The following ST7 variants were observed in gnomAD, a reference collection of about 807,000 sequenced individuals.
The protein encoded by ST7 is suppression of tumorigenicity 7.
A neutral mutation model predicts 78.7 loss-of-function variants in ST7; 28 were observed. The ratio of observed to expected loss-of-function variants is 0.36; its 90% CI spans 0.26 to 0.49. ST7 has a LOEUF of 0.49. Among genes scored for constraint, ST7 ranks in the 20% least tolerant of loss-of-function variants. ST7 has a pLI of 0.99. For missense variants in ST7, 418 were observed against 696.0 expected (o/e 0.60, Z 4.49); for synonymous variants, 247 against 249.6 (o/e 0.99, Z 0.10).
At chr7:117,087,007 C>G (rs1800200565) in intron 1 of ST7, among the ~76,000 whole-genome samples, 1 of 152,182 alleles carries the variant, frequency 6.6e-6, no homozygotes, top group Non-Finnish European at 1.5e-5. Context: ...CACCCTCACC[C>G]AGGGGAAGAC....
chr7:117,039,208 A>C (rs950283092), intron 1 of ST7, among the ~76,000 whole-genome samples: 9 of 152,152 alleles, frequency 5.9e-5, no homozygotes, highest in African/African-American at 2.2e-4. Context: ...TTGGAGGCCA[A>C]AAGGCTTGCC....
intron 15 of ST7, among the ~76,000 whole-genome samples, chr7:117,224,919 T>G (rs1175315632): frequency 6.6e-6 from 1 of 152,224 alleles, no homozygotes; most frequent in Non-Finnish European, 1.5e-5. Flanking sequence ...TCCCTGGCTC[T>G]ACCTTGGAAT....
At chr7:117,145,514 T>A (rs1490858664) in intron 9 of ST7, 1 of 152,258 alleles carries the variant, frequency 6.6e-6, no homozygotes, top group Non-Finnish European at 1.5e-5. Context: ...TAGCAATCTC[T>A]GACATTCCCT....
intron 1 of ST7, among the ~76,000 whole-genome samples, chr7:117,032,890 G>T (rs758305896): frequency 6.6e-6 from 1 of 152,130 alleles, no homozygotes; most frequent in Non-Finnish European, 1.5e-5. Context: ...TTCTAAGTTA[G>T]TTCCAGGCAG....
intron 1 of ST7, among the ~76,000 whole-genome samples, chr7:117,063,406 T>A (rs1023096116): frequency 5.3e-5 from 8 of 152,230 alleles, no homozygotes; most frequent in African/African-American, 1.9e-4. Flanking sequence ...TTTGCATTTA[T>A]GTTTGTATAA....
At chr7:117,006,769 C>T (rs901571673) in intron 1 of ST7, among the ~76,000 whole-genome samples, 3 of 152,204 alleles carry the variant, frequency 2.0e-5, no homozygotes, top group Non-Finnish European at 4.4e-5. Flanking sequence ...GGCACATGCT[C>T]ACTTCATGTC....
Position 117,048,249 on chromosome 7 carries a change from CATTCGGT to C in ST7, c.152-51510_152-51504del, listed in dbSNP as rs527780573. Reference sequence around the variant, plus strand: ...AAAGGGGAGGCAGGAGAGGCAGGGACATTCGGTATAACTTTACAAAAATACATCATAA... The same window carrying C: ...AAAGGGGAGGCAGGAGAGGCAGGGACATAACTTTACAAAAATACATCATAA... On this transcript the variant is annotated intron_variant, in intron 1 of 15. Coordinates refer to ENST00000323984, the MANE Select transcript of ST7 (RefSeq NM_001369598.1). Among the ~76,000 whole-genome samples, 287 of 152,054 alleles carry C rather than the reference CATTCGGT, an allele frequency of 1.9e-3. 1 individual carries two copies. Among genetic ancestry groups the C allele is most frequent in the Middle Eastern group, 0.014 (4 of 294 alleles).
intron 15 of ST7, among the ~76,000 whole-genome samples, chr7:117,229,519 G>C (rs1793656365): frequency 6.6e-6 from 1 of 152,232 alleles, no homozygotes; most frequent in African/African-American, 2.4e-5. Context: ...TGGGCCACCT[G>C]TCAGGGGAGT....
In ST7 at chr7:117,034,529, C is replaced by A. The variant is rs145257843; in HGVS notation, c.152-65233C>A. 8.6e-4 allele frequency among the ~76,000 whole-genome samples: 131 copies of A among 152,210 alleles called. 1 individual carries two copies. Among genetic ancestry groups the A allele is most frequent in the Admixed American group, 1.4e-3 (22 of 15,276 alleles). On this transcript the variant is annotated intron_variant, in intron 1 of 15. Transcript: ENST00000323984. The stretch of plus-strand genomic sequence containing the variant: ...CTTATTAAACACAATAAGGTCAATA[C>A]CTTTTCTTTATTCATGAAAATGTCT...
intron 9 of ST7, among the ~76,000 whole-genome samples, chr7:117,170,451 G>A (rs1384822439): frequency 6.6e-6 from 1 of 152,142 alleles, no homozygotes; most frequent in Non-Finnish European, 1.5e-5. Context: ...GGGAGGCCGA[G>A]GCGGGCAGAT....
chr7:117,205,675 G>A (rs902196545), intron 12 of ST7, among the ~76,000 whole-genome samples: 5 of 152,182 alleles, frequency 3.3e-5, no homozygotes, highest in South Asian at 2.1e-4. Context: ...ATGAGTAGGC[G>A]CTGCTCACAC....
intron 1 of ST7, among the ~76,000 whole-genome samples, chr7:117,085,530 C>T (rs1421754206): frequency 6.6e-6 from 1 of 152,208 alleles, no homozygotes; most frequent in Non-Finnish European, 1.5e-5. Context: ...TGACTATTTG[C>T]TATACAGTTG....
At chr7:117,222,894 G>C in intron 15 of ST7, 2 of 1,614,098 alleles carry the variant, frequency 1.2e-6, no homozygotes, top group Non-Finnish European at 1.7e-6. Context: ...AGAGTTCAGG[G>C]ACTGGAATTG....
intron 9 of ST7, among the ~76,000 whole-genome samples, chr7:117,149,173 C>G (rs61040230): frequency 0.048 from 7,341 of 152,154 alleles, 593 homozygotes; most frequent in African/African-American, 0.17. Context: ...ACCTTTGTGA[C>G]TCAAGAATCC....
At chr7:116,994,727 G>A (rs1402039040) in intron 1 of ST7, among the ~76,000 whole-genome samples, 1 of 152,196 alleles carries the variant, frequency 6.6e-6, no homozygotes, top group Non-Finnish European at 1.5e-5. Flanking sequence ...GACATTGGAG[G>A]AGTTCTCTCT....
chr7:117,056,673 GATAAA>G (rs1483072825), intron 1 of ST7, among the ~76,000 whole-genome samples: 27 of 151,812 alleles, frequency 1.8e-4, no homozygotes, highest in African/African-American at 6.5e-4. Context: ...AAATAAAGAA[GATAAA>G]ATAGAAGAAA....
At position 117,005,715 on chromosome 7, in the gene ST7, C is replaced by G. The variant is rs143104635; in HGVS notation, c.151+52024C>G. ...ATAAATTCTGCTCATGAAAAGTATG[C>G]AGGGCATGTTTCTGCTTAAAAAAAT... On this transcript the variant is annotated intron_variant, in intron 1 of 15. Coordinates refer to ENST00000323984, the MANE Select transcript of ST7 (RefSeq NM_001369598.1). Among the ~76,000 whole-genome samples, 14 of 152,058 alleles carry G rather than the reference C, an allele frequency of 9.2e-5. No individual in the cohort carries two copies. The East Asian group carries it at 2.7e-3, about 29-fold the overall frequency.
chr7:117,078,405 A>G (rs1341364220), intron 1 of ST7, among the ~76,000 whole-genome samples: 2 of 152,256 alleles, frequency 1.3e-5, no homozygotes, highest in East Asian at 3.8e-4. Flanking sequence ...ATTAATCCAT[A>G]TATCTGGTGA....
intron 10 of ST7, 42 bp downstream of exon 10, chr7:117,171,018 T>A: frequency 7.4e-7 from 1 of 1,343,016 alleles, no homozygotes; most frequent in South Asian, 1.3e-5. Flanking sequence ...TATTCCTCTT[T>A]TGATGTATTT....
Sources: gnomAD v4.1 joint callset for allele counts (sites outside exome capture counted in the v4.1 genomes callset) on GRCh38, gnomAD v4.1.1 for gene constraint, MANE v1.5 for transcripts, NCBI Gene and HGNC (gene_info 2026-07-23, HGNC 2026-07-21) for gene names.